Variants in CSMD1 observed in about 807,000 individuals in gnomAD.
The protein encoded by CSMD1 is CUB and Sushi multiple domains 1.
CSMD1 carries 213 observed loss-of-function variants against 417.5 expected under a neutral mutation model. The ratio of observed to expected loss-of-function variants is 0.51; its 90% CI spans 0.46 to 0.57. The LOEUF is 0.57. CSMD1 is among the 20% of genes least tolerant of loss of function. The pLI is 0.00. For synonymous variants in CSMD1, 2,862 were observed against 1,736.8 expected (o/e 1.65, Z -16.11); for missense variants, 6,923 against 4,529.7 (o/e 1.53, Z -15.17).
chr8:3,949,101 A>T (rs1383577973), intron 5 of CSMD1, among the ~76,000 whole-genome samples: 3 of 152,224 alleles, frequency 2.0e-5, no homozygotes, highest in Non-Finnish European at 4.4e-5. Flanking sequence ...ATACCTATTT[A>T]TGATGTGCGA....
At chr8:4,188,889 G>A (rs1456235820) in intron 3 of CSMD1, among the ~76,000 whole-genome samples, 1 of 152,012 alleles carries the variant, frequency 6.6e-6, no homozygotes, top group Non-Finnish European at 1.5e-5. Context: ...GGATCTGCCT[G>A]ATGAAACACA....
At chr8:3,495,416 G>A (rs1344333792) in intron 10 of CSMD1, among the ~76,000 whole-genome samples, 1 of 152,158 alleles carries the variant, frequency 6.6e-6, no homozygotes, top group Non-Finnish European at 1.5e-5. Context: ...ACAGATAGGG[G>A]TCACACTATA....
intron 2 of CSMD1, among the ~76,000 whole-genome samples, chr8:4,465,649 C>T (rs930484723): frequency 6.6e-6 from 1 of 152,076 alleles, no homozygotes; most frequent in African/African-American, 2.4e-5. Flanking sequence ...ATTTCCAAAT[C>T]CCAAGTACTG....
At chr8:4,656,728 A>C (rs894638850) in intron 1 of CSMD1, among the ~76,000 whole-genome samples, 1 of 152,104 alleles carries the variant, frequency 6.6e-6, no homozygotes, top group Non-Finnish European at 1.5e-5. Context: ...ACTCCAGAAC[A>C]GTGTTTGGGG....
intron 3 of CSMD1, among the ~76,000 whole-genome samples, chr8:4,221,168 G>A (rs182162408): frequency 1.3e-5 from 2 of 152,266 alleles, no homozygotes; most frequent in East Asian, 3.9e-4. Context: ...AGCTCCATCC[G>A]TGATTCTGCA....
chr8:3,516,474 G>C (rs1214487130), intron 10 of CSMD1, among the ~76,000 whole-genome samples: 1 of 152,174 alleles, frequency 6.6e-6, no homozygotes, highest in African/African-American at 2.4e-5. Context: ...TGCCACTTCA[G>C]TGTCTGTGAA....
intron 1 of CSMD1, among the ~76,000 whole-genome samples, chr8:4,876,682 A>G (rs565439581): frequency 4.6e-5 from 7 of 152,202 alleles, no homozygotes; most frequent in East Asian, 1.9e-4. Flanking sequence ...CGTTAGGTGC[A>G]TATAGTCTCC....
chr8:3,755,779 C>T (rs578180136), intron 5 of CSMD1, among the ~76,000 whole-genome samples: 1 of 152,234 alleles, frequency 6.6e-6, no homozygotes, highest in Non-Finnish European at 1.5e-5. Flanking sequence ...TAACCAATTA[C>T]AACAGTGTTT....
intron 3 of CSMD1, among the ~76,000 whole-genome samples, chr8:4,192,968 A>G (rs979715290): frequency 9.2e-5 from 14 of 152,234 alleles, no homozygotes; most frequent in African/African-American, 3.4e-4. Flanking sequence ...TTTTCATAAT[A>G]TTTGAGTGTT....
At chr8:3,205,676 G>A in intron 30 of CSMD1, 56 bp from the exon 31 acceptor site, 1 of 795,542 alleles carries the variant, frequency 1.3e-6, no homozygotes. Flanking sequence ...GCAGGTGATA[G>A]GTGAGCCAAA....
chr8:3,343,602 G>A (rs546064330), intron 22 of CSMD1, among the ~76,000 whole-genome samples, 152 bp from the exon 23 acceptor site: 1 of 152,258 alleles, frequency 6.6e-6, no homozygotes, highest in South Asian at 2.1e-4. Flanking sequence ...AGGACTTAGA[G>A]CTAAATCATA....
intron 7 of CSMD1, among the ~76,000 whole-genome samples, chr8:3,665,464 G>C (rs752417507): frequency 1.3e-5 from 2 of 152,156 alleles, no homozygotes; most frequent in Non-Finnish European, 1.5e-5. Context: ...GGGAGACGGA[G>C]GTTGCAGTGA....
intron 1 of CSMD1, among the ~76,000 whole-genome samples, chr8:4,951,656 T>G (rs1213852336): frequency 1.3e-5 from 2 of 151,904 alleles, no homozygotes; most frequent in East Asian, 3.9e-4. Context: ...ATGTTTTATC[T>G]GGATTTCCTA....
intron 1 of CSMD1, among the ~76,000 whole-genome samples, chr8:4,846,297 G>C (rs1012960691): frequency 2.0e-5 from 3 of 152,202 alleles, no homozygotes; most frequent in African/African-American, 4.8e-5. Flanking sequence ...TTATTTCCAT[G>C]TATACCTTAC....
intron 50 of CSMD1, among the ~76,000 whole-genome samples, chr8:3,040,851 G>A (rs1420913055): frequency 1.3e-5 from 2 of 152,086 alleles, no homozygotes; most frequent in Admixed American, 6.5e-5. Flanking sequence ...TGAATGTTTT[G>A]TCGAAAATAA....
intron 1 of CSMD1, among the ~76,000 whole-genome samples, chr8:4,810,656 G>T (rs1043745734): frequency 6.6e-6 from 1 of 150,802 alleles, no homozygotes; most frequent in East Asian, 1.9e-4. Context: ...GTATTACATA[G>T]AAAATTTCAT....
At chr8:3,132,771 TG>T (rs1817863562) in intron 41 of CSMD1, among the ~76,000 whole-genome samples, 1 of 152,182 alleles carries the variant, frequency 6.6e-6, no homozygotes, top group Non-Finnish European at 1.5e-5. Context: ...TCTCCTAATT[TG>T]ACTCCACTAC....
At chr8:3,214,759 T>C in intron 29 of CSMD1, 68 bp from the exon 30 acceptor site, 1 of 1,328,508 alleles carries the variant, frequency 7.5e-7, no homozygotes, top group Non-Finnish European at 1.0e-6. Flanking sequence ...TTTTGTTTGT[T>C]GGGTTGGTTC....
At chr8:3,081,392 AT>A (rs1272862891) in intron 49 of CSMD1, among the ~76,000 whole-genome samples, 1 of 152,254 alleles carries the variant, frequency 6.6e-6, no homozygotes, top group Non-Finnish European at 1.5e-5. Context: ...TGAATGTAAT[AT>A]TAAAATAGAT....
Sources: gnomAD v4.1 joint callset for allele counts (sites outside exome capture counted in the v4.1 genomes callset) on GRCh38, gnomAD v4.1.1 for gene constraint, MANE v1.5 for transcripts, NCBI Gene and HGNC (gene_info 2026-07-23, HGNC 2026-07-21) for gene names.